Variants in ADCK1 observed in about 807,000 individuals in gnomAD.
The protein encoded by ADCK1 is aarF domain-containing protein kinase 1.
A neutral mutation model predicts 52.3 loss-of-function variants in ADCK1; 41 were observed. The observed-to-expected ratio is 0.78, with a 90% CI of 0.61 to 1.02. The LOEUF (loss-of-function observed/expected upper bound fraction) is 1.02, where lower values mean the gene tolerates loss of function less well. Ranked by LOEUF, ADCK1 falls within the 50% of genes least tolerant of loss-of-function variation. The probability of loss-of-function intolerance (pLI) is 0.00; values close to 1 mark genes in which losing one functional copy is unlikely to be tolerated. For synonymous variants in ADCK1, 250 were observed against 274.6 expected (o/e 0.91, Z 0.89); for missense variants, 658 against 679.5 (o/e 0.97, Z 0.35).
chr14:77,818,955 C>CT lies in ADCK1; in HGVS notation c.-11-7dup, dbSNP rs779086112. 6 of 1,608,838 alleles carry CT rather than the reference C, an allele frequency of 3.7e-6. No individual in the cohort carries two copies. Among genetic ancestry groups the CT allele is most frequent in the Admixed American group, 1.7e-5 (1 of 58,884 alleles). ...TAACTGCTATTCTTTCTCAACTTTC[C>CT]TTTTTTCTGCAGGATCTGGCGACAT... On this transcript the variant is annotated splice_polypyrimidine_tract_variant and intron_variant, in intron 1 of 10. Transcript: ENST00000238561.
At chr14:77,933,080 C>T in intron 10 of ADCK1, 140 bp from the exon 11 acceptor site, 2 of 756,286 alleles carry the variant, frequency 2.6e-6, no homozygotes, top group South Asian at 3.8e-5. Context: ...ATAGTATGAT[C>T]CTGTATCCAA....
intron 4 of ADCK1, among the ~76,000 whole-genome samples, chr14:77,859,619 C>A (rs79029449): frequency 0.045 from 6,801 of 152,266 alleles, 219 homozygotes; most frequent in Non-Finnish European, 0.066. Context: ...AAGCCCCATC[C>A]CATCTGGTTT....
intron 7 of ADCK1, among the ~76,000 whole-genome samples, chr14:77,914,770 T>C (rs891605944): frequency 3.3e-5 from 5 of 152,300 alleles, no homozygotes; most frequent in South Asian, 2.1e-4. Context: ...GTAAAAACAA[T>C]GTTACTGTTA....
At chr14:77,803,129 A>G (rs186221405) in intron 1 of ADCK1, among the ~76,000 whole-genome samples, 40 of 152,186 alleles carry the variant, frequency 2.6e-4, no homozygotes, top group African/African-American at 9.6e-4. Context: ...CTTTCTATCC[A>G]TATCAGGGAC....
chr14:77,841,309 C>T (rs1172553419), intron 3 of ADCK1, among the ~76,000 whole-genome samples: 5 of 152,094 alleles, frequency 3.3e-5, no homozygotes, highest in African/African-American at 1.2e-4. Context: ...GTCAACGGAA[C>T]AACACGGAAC....
At position 77,875,177 on chromosome 14, in the gene ADCK1, G is replaced by A. The variant is rs116236399; in HGVS notation, c.424-11914G>A. Among the ~76,000 whole-genome samples the A allele has an allele frequency of 3.7e-3, 567 of 152,184 alleles. 2 individuals are homozygous for A. Among genetic ancestry groups the A allele is most frequent in the African/African-American group, 0.012 (506 of 41,494 alleles). On this transcript the variant is annotated intron_variant, in intron 4 of 10. Coordinates refer to ENST00000238561, the MANE Select transcript of ADCK1 (RefSeq NM_020421.4). ...TGGCTTGGACATAGGGAAGTGGAGA[G>A]GAGAGGACTGACATATTTGCAGATG...
intron 4 of ADCK1, among the ~76,000 whole-genome samples, chr14:77,880,939 C>T (rs866264201): frequency 2.6e-5 from 4 of 152,280 alleles, no homozygotes; most frequent in Middle Eastern, 3.4e-3. Context: ...GGTTTCATTT[C>T]GTATATGAAC....
chr14:77,887,399 G>C, intron 5 of ADCK1, 150 bp downstream of exon 5: 3 of 881,618 alleles, frequency 3.4e-6, no homozygotes, highest in Non-Finnish European at 4.7e-6. Flanking sequence ...GACAGAGGAG[G>C]TGTTATGACA....
chr14:77,803,825 A>C (rs561482777), intron 1 of ADCK1, among the ~76,000 whole-genome samples: 4 of 152,328 alleles, frequency 2.6e-5, no homozygotes, highest in African/African-American at 9.6e-5. Context: ...TAAGGACTTT[A>C]GTGAACAGGA....
chr14:77,889,543 G>A (rs926831405), intron 5 of ADCK1, among the ~76,000 whole-genome samples: 6 of 152,198 alleles, frequency 3.9e-5, no homozygotes, highest in African/African-American at 1.4e-4. Flanking sequence ...TGCAGATGCT[G>A]TTTGAGGCAG....
rs10149532 is a variant in ADCK1, at chr14:77,804,147, C to T, written c.-12+3977C>T. 8.3e-3 allele frequency among the ~76,000 whole-genome samples: 1,265 copies of T among 152,126 alleles called. 16 individuals are homozygous for T. Among genetic ancestry groups the T allele is most frequent in the African/African-American group, 0.029 (1,202 of 41,474 alleles). Reference sequence around the variant, plus strand: ...TTTAAGGGTTTTGGTGGCCTCAGACCCCCTGTAAGGTATGTACTGTTAGGA... The same window carrying T: ...TTTAAGGGTTTTGGTGGCCTCAGACTCCCTGTAAGGTATGTACTGTTAGGA... On this transcript the variant is annotated intron_variant, in intron 1 of 10. Transcript: ENST00000238561.
At chr14:77,808,567 CATTTATTTATTTATTA>C (rs1449520777) in intron 1 of ADCK1, among the ~76,000 whole-genome samples, 74 of 152,188 alleles carry the variant, frequency 4.9e-4, no homozygotes, top group African/African-American at 1.8e-3. Context: ...ACATCCACTA[CATTTATTTATTTATTA>C]ATTTATTTTG....
In ADCK1 at chr14:77,915,289, C is replaced by T. The variant is rs1236421180; in HGVS notation, c.858+7370C>T. Among the ~76,000 whole-genome samples, 4 of 151,230 alleles carry T rather than the reference C, an allele frequency of 2.6e-5. No homozygotes were observed. In the East Asian group the frequency reaches 7.8e-4, roughly 30 times the overall value. ...TGTTGGTGTGCTGCACCCATTGACT[C>T]GTTATTTAACATTAGGTATATCTCC... On this transcript the variant is annotated intron_variant, in intron 7 of 10. Coordinates refer to ENST00000238561, the MANE Select transcript of ADCK1 (RefSeq NM_020421.4).
chr14:77,919,066 T>C (rs1470752718), intron 7 of ADCK1, among the ~76,000 whole-genome samples: 1 of 152,220 alleles, frequency 6.6e-6, no homozygotes. Context: ...TATTTATTTA[T>C]TTTTGAGATG....
At chr14:77,842,291 A>T (rs1033926255) in intron 3 of ADCK1, among the ~76,000 whole-genome samples, 7 of 152,036 alleles carry the variant, frequency 4.6e-5, no homozygotes, top group Admixed American at 2.0e-4. Flanking sequence ...TATTAACAGG[A>T]GTTCTTTAAT....
At chr14:77,927,576 T>C (rs1319920239) in intron 9 of ADCK1, among the ~76,000 whole-genome samples, 3 of 152,110 alleles carry the variant, frequency 2.0e-5, no homozygotes, top group Non-Finnish European at 2.9e-5. Flanking sequence ...AACAGGTGAA[T>C]GGAATAACTG....
rs1282013112 is a variant in ADCK1 at position 77,842,457 on chromosome 14, TTC to T, written c.220-16618_220-16617del. On this transcript the variant is annotated intron_variant, in intron 3 of 10. Coordinates refer to ENST00000238561, the MANE Select transcript of ADCK1 (RefSeq NM_020421.4). ...TTTCAGGGTATTTTTTTTTCCTTCC[TTC>T]CTTCCTTCCTTCCTTCCTTCCTTCC... Among the ~76,000 whole-genome samples, 58 of 37,070 alleles carry T rather than the reference TTC, an allele frequency of 1.6e-3. 1 individual carries two copies. The South Asian group carries it at 0.053, about 34-fold the overall frequency. The allele number at this position is 37,070 out of a possible 152,430, so 24.3% of individuals were successfully genotyped here.
At chr14:77,827,031 G>A (rs1363474755) in intron 3 of ADCK1, among the ~76,000 whole-genome samples, 1 of 152,140 alleles carries the variant, frequency 6.6e-6, no homozygotes, top group Non-Finnish European at 1.5e-5. Context: ...GGGAAAGCCT[G>A]TCTGTGAATG....
chr14:77,927,914 C>T (rs922528219), intron 9 of ADCK1, among the ~76,000 whole-genome samples: 1 of 152,198 alleles, frequency 6.6e-6, no homozygotes, highest in African/African-American at 2.4e-5. Flanking sequence ...CAAAGCCCTT[C>T]GTAGGCTCTG....
Sources: gnomAD v4.1 joint callset for allele counts (sites outside exome capture counted in the v4.1 genomes callset) on GRCh38, gnomAD v4.1.1 for gene constraint, MANE v1.5 for transcripts, NCBI Gene and HGNC (gene_info 2026-07-23, HGNC 2026-07-21) for gene names.